CNTN3: variants seen among roughly 807,000 people sequenced by gnomAD.
CNTN3 encodes contactin 3, also known as contactin-3.
In CNTN3, 60 loss-of-function variants were observed where a neutral mutation model predicts 119.1. The observed-to-expected ratio is 0.50, with a 90% CI of 0.41 to 0.62. The LOEUF (loss-of-function observed/expected upper bound fraction) is 0.62. Among genes scored for constraint, CNTN3 ranks in the 20% least tolerant of loss-of-function variants. CNTN3 has a pLI of 0.00. For synonymous variants in CNTN3, 450 were observed against 438.7 expected (o/e 1.03, Z -0.32); for missense variants, 1,101 against 1,242.4 (o/e 0.89, Z 1.71).
At chr3:74,329,915 C>A (rs1261372617) in intron 13 of CNTN3, among the ~76,000 whole-genome samples, 1 of 152,072 alleles carries the variant, frequency 6.6e-6, no homozygotes, top group Non-Finnish European at 1.5e-5. Context: ...ATGAAGATAT[C>A]TAGATACAGG....
At chr3:74,340,857 A>G (rs186921146) in intron 11 of CNTN3, among the ~76,000 whole-genome samples, 3 of 152,294 alleles carry the variant, frequency 2.0e-5, no homozygotes, top group Admixed American at 2.0e-4. Context: ...TTTGGAAACT[A>G]CAAAACAGAG....
chr3:74,276,861 A>G (rs914829345), intron 20 of CNTN3, among the ~76,000 whole-genome samples: 1 of 152,106 alleles, frequency 6.6e-6, no homozygotes, highest in African/African-American at 2.4e-5. Context: ...CTTCAAAAAG[A>G]TAAATAAAAT....
In CNTN3 at chr3:74,486,366, T is replaced by G. The variant is rs9838035; in HGVS notation, c.358+90A>C. 8.0e-4 allele frequency: 893 copies of G among 1,121,626 alleles called. 9 individuals are homozygous for G. The African/African-American group carries it at 0.012, about 15-fold the overall frequency. 69.5% of individuals were successfully genotyped at this position (1,121,626 alleles called of 1,614,324 possible). A position where few individuals can be genotyped will look rare whatever the true frequency, so the allele number is the denominator to read the frequency against. On this transcript the variant is annotated intron_variant, in intron 4 of 22. Coordinates refer to ENST00000263665, the MANE Select transcript of CNTN3 (RefSeq NM_020872.3). ...CTATTTACTGAATTAATAAAACCCA[T>G]GTATTATTTCTGAAATCCAAAACGA...
chr3:74,519,589 T>C (rs552004764), intron 2 of CNTN3, among the ~76,000 whole-genome samples: 28 of 151,870 alleles, frequency 1.8e-4, no homozygotes, highest in Admixed American at 3.3e-4. Context: ...TTTTACAAAA[T>C]TTCATATCAT....
intron 4 of CNTN3, among the ~76,000 whole-genome samples, chr3:74,442,498 C>T (rs1278894340): frequency 6.6e-6 from 1 of 152,138 alleles, no homozygotes; most frequent in African/African-American, 2.4e-5. Context: ...TAAGGTCTAG[C>T]ACGTTTTTTG....
chr3:74,353,561 C>G (rs1477921556), intron 11 of CNTN3, among the ~76,000 whole-genome samples: 1 of 152,120 alleles, frequency 6.6e-6, no homozygotes. Flanking sequence ...TCGAGACCAT[C>G]CCGGCTAACA....
At chr3:74,515,808 C>A (rs1469846568) in intron 2 of CNTN3, among the ~76,000 whole-genome samples, 1 of 152,030 alleles carries the variant, frequency 6.6e-6, no homozygotes, top group Non-Finnish European at 1.5e-5. Flanking sequence ...AGCAACCCAA[C>A]CTTCCTGGGA....
chr3:74,316,648 T>G lies in CNTN3; in HGVS notation c.1669-13841A>C, dbSNP rs186924322. Among the ~76,000 whole-genome samples the G allele has an allele frequency of 1.4e-4, 22 of 152,230 alleles. No individual in the cohort carries two copies. The East Asian group carries it at 4.3e-3, about 30-fold the overall frequency. On this transcript the variant is annotated intron_variant, in intron 13 of 22. Coordinates refer to ENST00000263665, the MANE Select transcript of CNTN3 (RefSeq NM_020872.3). ...GGTACATATATACCATGAAATACTC[T>G]GCAACCATGAAAAAGATGAAATCAT...
chr3:74,437,427 A>C (rs1192280357), intron 4 of CNTN3, among the ~76,000 whole-genome samples: 1 of 152,074 alleles, frequency 6.6e-6, no homozygotes, highest in Non-Finnish European at 1.5e-5. Context: ...GCACCACTGC[A>C]CTCCAACCTG....
chr3:74,476,520 G>A (rs9826396), intron 4 of CNTN3, among the ~76,000 whole-genome samples: 75,581 of 151,932 alleles, frequency 0.5, 19,157 homozygotes, highest in Non-Finnish European at 0.55. Context: ...GATCAAATTC[G>A]CATCAAAAAT....
chr3:74,267,159 A>G (rs1474021159), intron 21 of CNTN3, 107 bp downstream of exon 21: 2 of 607,796 alleles, frequency 3.3e-6, no homozygotes, highest in African/African-American at 3.7e-5. Flanking sequence ...TCAAAATTAG[A>G]TTACAGAAAC....
At chr3:74,481,288 T>G (rs564234865) in intron 4 of CNTN3, among the ~76,000 whole-genome samples, 2 of 150,436 alleles carry the variant, frequency 1.3e-5, no homozygotes, top group South Asian at 4.2e-4. Context: ...ATACCCAGTA[T>G]TTAGAGAATA....
chr3:74,358,446 A>C (rs1703992390), intron 11 of CNTN3, among the ~76,000 whole-genome samples: 1 of 152,038 alleles, frequency 6.6e-6, no homozygotes, highest in African/African-American at 2.4e-5. Context: ...TCCATAAAAA[A>C]AAAAAAAAAT....
At chr3:74,486,667 ATTT>A (rs763526334) in intron 3 of CNTN3, 36 bp from the exon 4 acceptor site, 5 of 1,472,670 alleles carry the variant, frequency 3.4e-6, no homozygotes, top group Non-Finnish European at 4.5e-6. Flanking sequence ...CCCCCTTAGT[ATTT>A]TTAACTTAAA....
chr3:74,496,832 G>A (rs946191877), intron 3 of CNTN3, among the ~76,000 whole-genome samples: 5 of 151,966 alleles, frequency 3.3e-5, no homozygotes, highest in African/African-American at 9.7e-5. Context: ...ACCCTAAGAC[G>A]AGTAATTTCT....
chr3:74,536,181 G>A (rs1382999975), intron 1 of CNTN3, among the ~76,000 whole-genome samples: 1 of 152,014 alleles, frequency 6.6e-6, no homozygotes, highest in Non-Finnish European at 1.5e-5. Flanking sequence ...GAGCTCCCCT[G>A]TAAGAACCAA....
intron 1 of CNTN3, among the ~76,000 whole-genome samples, chr3:74,608,798 T>C (rs1367440699): frequency 3.9e-5 from 6 of 152,272 alleles, no homozygotes; most frequent in South Asian, 2.1e-4. Context: ...ACTCCATCAA[T>C]AGACTATCAG....
intron 13 of CNTN3, among the ~76,000 whole-genome samples, chr3:74,312,950 A>C (rs1702730372): frequency 6.6e-6 from 1 of 152,096 alleles, no homozygotes; most frequent in African/African-American, 2.4e-5. Context: ...ATGTAAGAAA[A>C]GATGGATAAG....
chr3:74,435,541 T>C (rs781764002), intron 4 of CNTN3, among the ~76,000 whole-genome samples: 3 of 150,030 alleles, frequency 2.0e-5, no homozygotes, highest in African/African-American at 2.5e-5. Flanking sequence ...TATACTTGTT[T>C]GGCTTTTACA....
Sources: gnomAD v4.1 joint callset for allele counts (sites outside exome capture counted in the v4.1 genomes callset) on GRCh38, gnomAD v4.1.1 for gene constraint, MANE v1.5 for transcripts, NCBI Gene and HGNC (gene_info 2026-07-23, HGNC 2026-07-21) for gene names.